Variants in TMC1 observed in about 807,000 individuals in gnomAD.
The protein encoded by TMC1 is transmembrane channel-like protein 1.
Under a neutral mutation model 105.8 loss-of-function variants are expected in TMC1, and 84 were observed. The observed-to-expected ratio is 0.79, with a 90% confidence interval of 0.67 to 0.95. The LOEUF is 0.95. Among genes scored for constraint, TMC1 ranks in the 40% least tolerant of loss-of-function variants. The pLI is 0.00. For synonymous variants in TMC1, 315 were observed against 311.5 expected (o/e 1.01, Z -0.12); for missense variants, 817 against 914.1 (o/e 0.89, Z 1.37).
At chr9:72,775,091 TTAAGA>T (rs1827986246) in intron 13 of TMC1, among the ~76,000 whole-genome samples, 1 of 152,150 alleles carries the variant, frequency 6.6e-6, no homozygotes, top group African/African-American at 2.4e-5. Context: ...GTTTGAAATT[TTAAGA>T]TAAGATGACT....
chr9:72,595,025 C>G lies in TMC1; in HGVS notation c.-306+17002C>G, dbSNP rs544860706. Among the ~76,000 whole-genome samples the G allele has an allele frequency of 2.6e-5, 4 of 152,098 alleles. No homozygotes were observed. The South Asian group carries it at 8.3e-4, about 32-fold the overall frequency. ...GTACTAGAGGTGTGTGCCACCACGC[C>G]CAGCTAATTTTTGTATTTTTAGTAG... On this transcript the variant is annotated intron_variant, in intron 2 of 23. Coordinates refer to ENST00000297784, the MANE Select transcript of TMC1 (RefSeq NM_138691.3).
At chr9:72,805,332 A>G (rs756166487) in intron 17 of TMC1, 50 bp from the exon 18 acceptor site, 13 of 1,605,928 alleles carry the variant, frequency 8.1e-6, no homozygotes, top group Non-Finnish European at 5.1e-6. Context: ...CAACACTAGG[A>G]CCATTTGAAG....
intron 4 of TMC1, among the ~76,000 whole-genome samples, chr9:72,630,574 G>A (rs1013120078): frequency 6.6e-6 from 1 of 152,032 alleles, no homozygotes; most frequent in Non-Finnish European, 1.5e-5. Context: ...AACTTAATGT[G>A]TCATTAAAAA....
chr9:72,730,987 C>G (rs1443460874), intron 8 of TMC1, among the ~76,000 whole-genome samples: 1 of 152,216 alleles, frequency 6.6e-6, no homozygotes, highest in African/African-American at 2.4e-5. Flanking sequence ...AAGCTTCACT[C>G]ACTCGCCCAC....
At chr9:72,535,456 A>G (rs909365715) in intron 1 of TMC1, among the ~76,000 whole-genome samples, 2 of 152,120 alleles carry the variant, frequency 1.3e-5, no homozygotes, top group Non-Finnish European at 2.9e-5. Context: ...CTTCTAATCC[A>G]ACCTATAAAC....
intron 1 of TMC1, among the ~76,000 whole-genome samples, chr9:72,570,680 T>G (rs955522897): frequency 1.7e-5 from 1 of 57,786 alleles, no homozygotes; most frequent in Non-Finnish European, 3.3e-5. Flanking sequence ...AATTTCCTTT[T>G]TTTTTTTTTT....
chr9:72,683,650 G>A (rs978418458), intron 5 of TMC1, among the ~76,000 whole-genome samples: 2 of 143,430 alleles, frequency 1.4e-5, no homozygotes, highest in Non-Finnish European at 3.0e-5. Flanking sequence ...TATGAAATAT[G>A]ACAAATTTCA....
chr9:72,615,968 G>A (rs544461200), intron 2 of TMC1, among the ~76,000 whole-genome samples: 2 of 151,918 alleles, frequency 1.3e-5, no homozygotes, highest in African/African-American at 2.4e-5. Context: ...GGCTGGTCTC[G>A]AACTCTTGAC....
intron 20 of TMC1, among the ~76,000 whole-genome samples, chr9:72,822,866 C>T (rs899560192): frequency 6.6e-6 from 1 of 152,168 alleles, no homozygotes; most frequent in Non-Finnish European, 1.5e-5. Flanking sequence ...TCCACAGATG[C>T]ATTCAGATTT....
chr9:72,789,523 G>A (rs1466870467), intron 15 of TMC1, among the ~76,000 whole-genome samples: 2 of 152,116 alleles, frequency 1.3e-5, no homozygotes, highest in South Asian at 2.1e-4. Flanking sequence ...TTTGTGACAT[G>A]ATGGAAAGTT....
chr9:72,606,947 ATATG>A (rs35412597), intron 2 of TMC1, among the ~76,000 whole-genome samples: 10,742 of 148,090 alleles, frequency 0.073, 468 homozygotes, highest in Middle Eastern at 0.09. Context: ...AGGTTTATAT[ATATG>A]TATGTATGTA....
intron 5 of TMC1, among the ~76,000 whole-genome samples, chr9:72,664,840 A>C (rs149430105): frequency 2.9e-3 from 443 of 152,306 alleles, no homozygotes; most frequent in African/African-American, 9.9e-3. Flanking sequence ...GAGGGCACTG[A>C]GCTGGTTAAC....
intron 10 of TMC1, among the ~76,000 whole-genome samples, chr9:72,743,943 A>G (rs1477059445): frequency 6.6e-6 from 1 of 152,214 alleles, no homozygotes; most frequent in Non-Finnish European, 1.5e-5. Context: ...TCTGATTTCC[A>G]TCCATTCCTC....
At chr9:72,629,735 G>C (rs1426955492) in intron 4 of TMC1, among the ~76,000 whole-genome samples, 1 of 152,164 alleles carries the variant, frequency 6.6e-6, no homozygotes, top group Non-Finnish European at 1.5e-5. Context: ...ATGTGTGGCA[G>C]ACTATGAGAA....
chr9:72,656,480 T>C (rs1169021450), intron 5 of TMC1, among the ~76,000 whole-genome samples: 2 of 152,218 alleles, frequency 1.3e-5, no homozygotes, highest in Non-Finnish European at 2.9e-5. Context: ...TGATTTGTAT[T>C]TGAAAACGTT....
At chr9:72,680,316 C>T (rs1359883461) in intron 5 of TMC1, among the ~76,000 whole-genome samples, 1 of 151,874 alleles carries the variant, frequency 6.6e-6, no homozygotes, top group Non-Finnish European at 1.5e-5. Flanking sequence ...TTTAGTCTTC[C>T]TGAATATTGC....
intron 4 of TMC1, among the ~76,000 whole-genome samples, chr9:72,631,771 T>G (rs1251757012): frequency 6.6e-6 from 1 of 152,114 alleles, no homozygotes; most frequent in Non-Finnish European, 1.5e-5. Flanking sequence ...TGTGTGTCAT[T>G]GTCCAGGAAT....
intron 17 of TMC1, among the ~76,000 whole-genome samples, chr9:72,795,513 A>G (rs1828349531): frequency 6.6e-6 from 1 of 152,206 alleles, no homozygotes; most frequent in Admixed American, 6.5e-5. Flanking sequence ...AAGAAAAAAA[A>G]TCTTCAACCA....
rs114134268 is a variant in TMC1 at position 72,699,586 on chromosome 9, G to A, written c.237-932G>A. Among the ~76,000 whole-genome samples the A allele has an allele frequency of 4.2e-3, 632 of 152,232 alleles. 3 individuals are homozygous for A. The highest frequency in any genetic ancestry group is 0.014 in the African/African-American group (601 of 41,528). ...GGTATTCAAGGGAACAAAGAAGAGA[G>A]GGAAATATCTTGATATATCTGTAAT... On this transcript the variant is annotated intron_variant, in intron 7 of 23. Transcript: ENST00000297784.
Sources: allele counts gnomAD v4.1 joint callset (sites outside exome capture counted in the v4.1 genomes callset), GRCh38; gene constraint gnomAD v4.1.1; transcripts MANE v1.5; gene names NCBI Gene and HGNC (gene_info 2026-07-23, HGNC 2026-07-21).